PRKAG2: variants seen among roughly 807,000 people sequenced by gnomAD.
The protein encoded by PRKAG2 is protein kinase AMP-activated non-catalytic subunit gamma 2, also known as 5'-AMP-activated protein kinase subunit gamma-2.
Under a neutral mutation model 69.6 loss-of-function variants are expected in PRKAG2, and 26 were observed. The observed-to-expected ratio is 0.37, with a 90% CI of 0.27 to 0.52. The LOEUF (loss-of-function observed/expected upper bound fraction) is 0.52. Among genes scored for constraint, PRKAG2 ranks in the 20% least tolerant of loss-of-function variants. The probability of loss-of-function intolerance (pLI) is 0.90; values close to 1 mark genes in which losing one functional copy is unlikely to be tolerated. For missense variants in PRKAG2, 557 were observed against 740.0 expected (o/e 0.75, Z 2.87); for synonymous variants, 293 against 285.0 (o/e 1.03, Z -0.28).
chr7:151,631,953 G>A (rs1168250435), intron 5 of PRKAG2, 116 bp downstream of exon 5: 1 of 1,026,916 alleles, frequency 9.7e-7, no homozygotes, highest in Non-Finnish European at 1.2e-6. Flanking sequence ...GCTTCCGCAG[G>A]ACGCAGCTCG....
chr7:151,725,552 G>A (rs1306982401), intron 3 of PRKAG2, among the ~76,000 whole-genome samples: 1 of 150,412 alleles, frequency 6.6e-6, no homozygotes, highest in African/African-American at 2.4e-5. Flanking sequence ...CATATTTACC[G>A]CAGTGAAGAA....
intron 4 of PRKAG2, among the ~76,000 whole-genome samples, chr7:151,674,132 C>T (rs1309156670): frequency 2.6e-5 from 4 of 152,246 alleles, no homozygotes; most frequent in South Asian, 2.1e-4. Flanking sequence ...CATGAGCCAC[C>T]GCACCTGGCC....
In PRKAG2 at chr7:151,632,133, C is replaced by A. The variant is rs756008063; in HGVS notation, c.690G>T (p.Ala230=). The change falls in exon 5 of 16, where the codon GCG becomes GCT. Residue 230 remains alanine (A), a synonymous_variant. Coordinates refer to ENST00000287878, the MANE Select transcript of PRKAG2 (RefSeq NM_016203.4). This position sits in a 1 kb window ranked among gnomAD's most constrained non-coding sequence, Gnocchi z 4.2. The part of the protein sequence containing the change: ...PTHYAPSKAA[A]LAAALGPAEA... The stretch of plus-strand genomic sequence containing the variant: ...CCGCGGGTCCCAGGGCCGCCGCCAG[C>A]GCCGCCTGAGGGGGAGGAGGAGGAC... 17 of 1,403,816 alleles carry A rather than the reference C, an allele frequency of 1.2e-5. 1 individual carries two copies. In the South Asian group the frequency reaches 2.3e-4, roughly 19 times the overall value. 87.0% of individuals were successfully genotyped at this position (1,403,816 alleles called of 1,614,324 possible). A position where few individuals can be genotyped will look rare whatever the true frequency, so the allele number is the denominator to read the frequency against.
At position 151,652,483 on chromosome 7, in the gene PRKAG2, A is replaced by T. The variant is rs189298548; in HGVS notation, c.685-20345T>A. 1.8e-3 allele frequency among the ~76,000 whole-genome samples: 268 copies of T among 152,314 alleles called. 2 individuals carry two copies. The highest frequency in any genetic ancestry group is 6.1e-3 in the African/African-American group (255 of 41,564). ...GATCTTTTCAGATAAATTAATATTT[A>T]AAAAGTTTTAATTTATAATATGGTA... On this transcript the variant is annotated intron_variant, in intron 4 of 15. Coordinates refer to ENST00000287878, the MANE Select transcript of PRKAG2 (RefSeq NM_016203.4).
chr7:151,619,138 C>T (rs1437234889), intron 5 of PRKAG2, among the ~76,000 whole-genome samples: 1 of 152,186 alleles, frequency 6.6e-6, no homozygotes, highest in Non-Finnish European at 1.5e-5. Context: ...TATGTGGCTC[C>T]TGTCAGAATT....
At chr7:151,575,108 T>G (rs1808578827) in intron 7 of PRKAG2, among the ~76,000 whole-genome samples, 159 bp from the exon 8 acceptor site, 1 of 152,234 alleles carries the variant, frequency 6.6e-6, no homozygotes, top group African/African-American at 2.4e-5. Context: ...ATTGATGTGT[T>G]AATTGTGTAT....
In PRKAG2 at chr7:151,699,292, G is replaced by A. The variant is rs1421767771; in HGVS notation, c.467-23655C>T. Among the ~76,000 whole-genome samples the A allele has an allele frequency of 5.3e-5, 8 of 152,320 alleles. No individual in the cohort carries two copies. The highest frequency in any genetic ancestry group is 4.1e-4 in the South Asian group (2 of 4,832). On this transcript the variant is annotated intron_variant, in intron 3 of 15. Transcript: ENST00000287878. This position sits in a 1 kb window ranked among gnomAD's most constrained non-coding sequence, Gnocchi z 4.5. ...CCACGAAGGTTGCCTCCCTCCCTGC[G>A]GTCAGGCTGCCTGCAGGCCTAGTCC...
At chr7:151,622,086 G>A (rs1420211412) in intron 5 of PRKAG2, among the ~76,000 whole-genome samples, 2 of 152,152 alleles carry the variant, frequency 1.3e-5, no homozygotes, top group African/African-American at 4.8e-5. Flanking sequence ...TGTCATTTCA[G>A]TAGACTTTAG....
intron 4 of PRKAG2, among the ~76,000 whole-genome samples, chr7:151,672,732 C>T (rs1452834150): frequency 2.0e-5 from 3 of 152,178 alleles, no homozygotes; most frequent in Non-Finnish European, 4.4e-5. Context: ...AGGCTGGGTA[C>T]TATTCCATCA....
Position 151,595,459 on chromosome 7 carries a change from A to G in PRKAG2, c.755-5T>C. On this transcript the variant is annotated splice_region_variant and splice_polypyrimidine_tract_variant and intron_variant, in intron 5 of 15. Coordinates refer to ENST00000287878, the MANE Select transcript of PRKAG2 (RefSeq NM_016203.4). ...CACTTTCTGAGTCTTCTACTGCTAAAAGAAAAAAAGGCAAAACATCAGTAA... is the reference window on the plus strand; with the variant it reads ...CACTTTCTGAGTCTTCTACTGCTAAGAGAAAAAAAGGCAAAACATCAGTAA... 1 of 1,602,680 alleles carries G rather than the reference A, an allele frequency of 6.2e-7. No homozygotes were observed. The highest frequency in any genetic ancestry group is 1.3e-5 in the African/African-American group (1 of 74,810).
intron 1 of PRKAG2, chr7:151,810,018 A>G (rs2078333693): frequency 1.3e-5 from 2 of 152,290 alleles, no homozygotes; most frequent in Non-Finnish European, 2.9e-5. Context: ...GACGCTGCTT[A>G]CTGGCCCCGG....
intron 3 of PRKAG2, among the ~76,000 whole-genome samples, chr7:151,688,356 AAC>A (rs1835095376): frequency 6.6e-6 from 1 of 152,218 alleles, no homozygotes; most frequent in African/African-American, 2.4e-5. Flanking sequence ...GCCTGTTTAT[AAC>A]ACAGCATCGT....
At chr7:151,718,280 G>C (rs1006181587) in intron 3 of PRKAG2, among the ~76,000 whole-genome samples, 1 of 123,640 alleles carries the variant, frequency 8.1e-6, no homozygotes, top group Admixed American at 8.0e-5. Context: ...GTGGGTGGAG[G>C]GGGGGGTAGA....
intron 3 of PRKAG2, among the ~76,000 whole-genome samples, chr7:151,750,019 C>T (rs1056255363): frequency 6.7e-6 from 1 of 150,340 alleles, no homozygotes; most frequent in Non-Finnish European, 1.5e-5. Flanking sequence ...ATTGCTTGAA[C>T]CTGGGAAGCA....
intron 3 of PRKAG2, among the ~76,000 whole-genome samples, chr7:151,720,320 A>T (rs1586042328): frequency 6.6e-6 from 1 of 151,874 alleles, no homozygotes; most frequent in Non-Finnish European, 1.5e-5. Context: ...AGTTTCTGTT[A>T]CTTCCAGCCC....
chr7:151,645,921 T>A (rs533057572), intron 4 of PRKAG2, among the ~76,000 whole-genome samples: 204 of 152,246 alleles, frequency 1.3e-3, no homozygotes, highest in Non-Finnish European at 2.4e-3. Flanking sequence ...ATATTTTCCA[T>A]ACTGAAATCC....
intron 3 of PRKAG2, among the ~76,000 whole-genome samples, chr7:151,680,205 G>A (rs1011103047): frequency 3.9e-5 from 6 of 152,128 alleles, no homozygotes; most frequent in South Asian, 4.1e-4. Flanking sequence ...TCCATTTCTG[G>A]GGCCATAGAC....
intron 2 of PRKAG2, among the ~76,000 whole-genome samples, chr7:151,786,230 G>A (rs962612382): frequency 6.6e-6 from 1 of 152,220 alleles, no homozygotes; most frequent in African/African-American, 2.4e-5. Flanking sequence ...TCAGTGCCAC[G>A]TGAGGAGAAG....
rs372194573 is a variant in PRKAG2, at chr7:151,635,141, A to C, written c.685-3003T>G. Among the ~76,000 whole-genome samples the C allele has an allele frequency of 3.2e-4, 49 of 152,102 alleles. No homozygotes were observed. The East Asian group carries it at 7.9e-3, about 25-fold the overall frequency. ...AATTTTTGTATTTTTAGTAGAGATG[A>C]GGTTTCACCATATTGGTCAGGCTGG... On this transcript the variant is annotated intron_variant, in intron 4 of 15. Transcript: ENST00000287878.
Sources: allele counts gnomAD v4.1 joint callset (sites outside exome capture counted in the v4.1 genomes callset), GRCh38; gene constraint gnomAD v4.1.1; non-coding constraint Gnocchi (gnomAD v3.1); transcripts MANE v1.5; gene names NCBI Gene and HGNC (gene_info 2026-07-23, HGNC 2026-07-21).